The following SLIT1 variants were observed in gnomAD, a reference collection of about 807,000 sequenced individuals.
SLIT1 encodes slit guidance ligand 1.
SLIT1 carries 66 observed loss-of-function variants against 186.1 expected under a neutral mutation model. The ratio of observed to expected loss-of-function variants is 0.35; its 90% confidence interval spans 0.29 to 0.44. SLIT1 has a LOEUF of 0.44. Ranked by LOEUF, SLIT1 falls within the 20% of genes least tolerant of loss-of-function variation. The pLI is 1.00. For missense variants in SLIT1, 1,638 were observed against 2,037.4 expected (o/e 0.80, Z 3.77); for synonymous variants, 761 against 833.8 (o/e 0.91, Z 1.50).
Position 97,185,536 on chromosome 10 carries a change from A to G in SLIT1, c.139T>C (p.Cys47Arg). ...LCTCTGTTVD[C>R]HGTGLQAIPK... Reference sequence around the variant, plus strand: ...ATGGCCTGCAGCCCCGTGCCGTGGCAGTCCACCGTGGTTCCGGTGCAGGTG... The same window carrying G: ...ATGGCCTGCAGCCCCGTGCCGTGGCGGTCCACCGTGGTTCCGGTGCAGGTG... Residue 47 changes from cysteine to arginine, a missense_variant, in exon 1 of 37, where the codon TGC becomes CGC. Coordinates refer to ENST00000266058, the MANE Select transcript of SLIT1 (RefSeq NM_003061.3). 6.2e-7 allele frequency: 1 copy of G among 1,612,144 alleles called. No homozygotes were observed. Among genetic ancestry groups the G allele is most frequent in the Non-Finnish European group, 8.5e-7 (1 of 1,179,648 alleles).
intron 18 of SLIT1, among the ~76,000 whole-genome samples, chr10:97,044,912 G>T (rs913959070): frequency 1.3e-5 from 2 of 152,232 alleles, no homozygotes; most frequent in African/African-American, 4.8e-5. Flanking sequence ...GATCAGGATG[G>T]GGGTTCTTTG....
chr10:97,037,564 C>T (rs973416063), intron 22 of SLIT1, 134 bp downstream of exon 22: 8 of 682,790 alleles, frequency 1.2e-5, no homozygotes, highest in East Asian at 2.7e-5. Context: ...ACAGCTGTTC[C>T]CAGAGGGGAG....
chr10:97,160,625 C>T (rs1223631876), intron 3 of SLIT1, among the ~76,000 whole-genome samples: 2 of 150,564 alleles, frequency 1.3e-5, no homozygotes, highest in African/African-American at 4.9e-5. Flanking sequence ...AGACTTTGGC[C>T]AAAAAAAAGA....
chr10:97,125,143 A>G (rs1187267142), intron 4 of SLIT1, among the ~76,000 whole-genome samples: 1 of 152,244 alleles, frequency 6.6e-6, no homozygotes, highest in African/African-American at 2.4e-5. Flanking sequence ...CTAAACAGCA[A>G]CTAGGCAATA....
chr10:97,012,427 A>G (rs965546292), intron 30 of SLIT1, among the ~76,000 whole-genome samples: 4 of 152,174 alleles, frequency 2.6e-5, no homozygotes, highest in Non-Finnish European at 5.9e-5. Context: ...TGTCAGTTCC[A>G]TCTTTCCACC....
At chr10:97,119,350 G>C (rs1448004773) in intron 4 of SLIT1, among the ~76,000 whole-genome samples, 3 of 152,208 alleles carry the variant, frequency 2.0e-5, no homozygotes, top group Non-Finnish European at 2.9e-5. Context: ...GGCGGGGGAA[G>C]CTAGTGGGTC....
At chr10:97,045,500 A>G (rs1436155999) in intron 18 of SLIT1, among the ~76,000 whole-genome samples, 1 of 152,226 alleles carries the variant, frequency 6.6e-6, no homozygotes, top group Admixed American at 6.5e-5. Flanking sequence ...AGTTGTTTAT[A>G]CCAACAATTA....
At chr10:97,040,328 T>G (rs1021328744) in intron 20 of SLIT1, among the ~76,000 whole-genome samples, 1 of 152,148 alleles carries the variant, frequency 6.6e-6, no homozygotes, top group African/African-American at 2.4e-5. Context: ...GAGGTTAAAA[T>G]AGGTCTTGAG....
At chr10:97,112,158 G>T (rs1436080895) in intron 4 of SLIT1, among the ~76,000 whole-genome samples, 1 of 152,126 alleles carries the variant, frequency 6.6e-6, no homozygotes, top group African/African-American at 2.4e-5. Context: ...CCTAGCTAAG[G>T]TCTCCTGGAC....
At chr10:97,135,802 G>A (rs191504517) in intron 4 of SLIT1, among the ~76,000 whole-genome samples, 26 of 152,316 alleles carry the variant, frequency 1.7e-4, no homozygotes, top group Non-Finnish European at 3.5e-4. Context: ...AGACCAGGTC[G>A]GGGAGTGGGT....
At chr10:97,107,087 ATG>A (rs1212679390) in intron 4 of SLIT1, among the ~76,000 whole-genome samples, 1 of 152,262 alleles carries the variant, frequency 6.6e-6, no homozygotes, top group African/African-American at 2.4e-5. Context: ...GTCCTCCAGG[ATG>A]TTTGCCAAGG....
chr10:97,081,876 A>G (rs1432788517), intron 4 of SLIT1, among the ~76,000 whole-genome samples: 1 of 152,170 alleles, frequency 6.6e-6, no homozygotes, highest in Non-Finnish European at 1.5e-5. Context: ...CTCAGGGCTA[A>G]AGACTCACCT....
At chr10:97,168,515 T>A (rs796324426) in intron 1 of SLIT1, among the ~76,000 whole-genome samples, 8 of 152,312 alleles carry the variant, frequency 5.3e-5, no homozygotes, top group African/African-American at 1.9e-4. Flanking sequence ...GACACAAATG[T>A]TACCCCCTCC....
intron 3 of SLIT1, among the ~76,000 whole-genome samples, chr10:97,162,104 A>G (rs1850035743): frequency 6.6e-6 from 1 of 152,214 alleles, no homozygotes; most frequent in East Asian, 1.9e-4. Flanking sequence ...TCCACCACTC[A>G]CTATAATGAG....
intron 13 of SLIT1, among the ~76,000 whole-genome samples, chr10:97,050,743 C>T (rs72819899): frequency 1.5e-3 from 228 of 152,306 alleles, no homozygotes; most frequent in Admixed American, 3.8e-3. Context: ...TTATTACCAT[C>T]TTGGCAGAAA....
intron 4 of SLIT1, among the ~76,000 whole-genome samples, chr10:97,149,432 T>C (rs925173880): frequency 1.3e-5 from 2 of 152,104 alleles, no homozygotes; most frequent in East Asian, 1.9e-4. Context: ...CTTGGGGCCT[T>C]CCCTTACTTA....
At chr10:97,095,544 T>G (rs1433835685) in intron 4 of SLIT1, among the ~76,000 whole-genome samples, 3 of 152,188 alleles carry the variant, frequency 2.0e-5, no homozygotes. Context: ...GGGATAGGAC[T>G]GAATCCCGTG....
intron 4 of SLIT1, among the ~76,000 whole-genome samples, chr10:97,079,753 G>C (rs1564669659): frequency 6.6e-6 from 1 of 152,222 alleles, no homozygotes; most frequent in South Asian, 2.1e-4. Flanking sequence ...GCAGATGTGA[G>C]TATCTGACTG....
At chr10:97,101,720 G>A (rs892956483) in intron 4 of SLIT1, among the ~76,000 whole-genome samples, 2 of 152,222 alleles carry the variant, frequency 1.3e-5, no homozygotes, top group Non-Finnish European at 2.9e-5. Context: ...CTGGCTATGA[G>A]CAACCAAAGC....
Sources: allele counts gnomAD v4.1 joint callset (sites outside exome capture counted in the v4.1 genomes callset), GRCh38; gene constraint gnomAD v4.1.1; transcripts MANE v1.5; gene names NCBI Gene and HGNC (gene_info 2026-07-23, HGNC 2026-07-21).